RP1: variants seen among roughly 807,000 people sequenced by gnomAD.
RP1 encodes RP1 axonemal microtubule associated.
In RP1, 16 loss-of-function variants were observed where a neutral mutation model predicts 14.8. The ratio of observed to expected loss-of-function variants is 1.08; its 90% confidence interval spans 0.73 to 1.65. The LOEUF (loss-of-function observed/expected upper bound fraction) is 1.65, where lower values mean the gene tolerates loss of function less well. Ranked by LOEUF, RP1 falls within the 40% of genes most tolerant of loss-of-function variation. The pLI is 0.00. For synonymous variants in RP1, 876 were observed against 883.6 expected (o/e 0.99, Z 0.15); for missense variants, 2,631 against 2,535.0 (o/e 1.04, Z -0.81).
At chr8:54,796,183 T>C (rs1810572627) in intron 24 of RP1, among the ~76,000 whole-genome samples, 1 of 152,186 alleles carries the variant, frequency 6.6e-6, no homozygotes, top group East Asian at 1.9e-4. Context: ...TTGTGGGCAG[T>C]TATTTACCAT....
chr8:54,791,707 T>G (rs1810469754), intron 24 of RP1, among the ~76,000 whole-genome samples: 1 of 151,918 alleles, frequency 6.6e-6, no homozygotes. Context: ...AGAATAAACC[T>G]GCAGTAGATA....
At chr8:54,612,285 G>A (rs957726569), upstream of RP1, among the ~76,000 whole-genome samples, 1 of 152,162 alleles carries the variant, frequency 6.6e-6, no homozygotes, top group African/African-American at 2.4e-5. Context: ...TTTGGAGGAG[G>A]GAGTTCTTAT....
At chr8:54,701,865 G>A (rs1479842157) in intron 14 of RP1, among the ~76,000 whole-genome samples, 1 of 152,096 alleles carries the variant, frequency 6.6e-6, no homozygotes, top group Admixed American at 6.6e-5. Flanking sequence ...ACTCTGAGGG[G>A]ATTAATATCC....
At chr8:54,690,568 T>C (rs1195286934) in intron 12 of RP1, among the ~76,000 whole-genome samples, 1 of 151,860 alleles carries the variant, frequency 6.6e-6, no homozygotes, top group East Asian at 1.9e-4. Flanking sequence ...AAAGAAACCT[T>C]GGGGAGAGGA....
At chr8:54,842,489 A>G (rs1337102780) in intron 25 of RP1, among the ~76,000 whole-genome samples, 1 of 152,190 alleles carries the variant, frequency 6.6e-6, no homozygotes, top group African/African-American at 2.4e-5. Context: ...TTCCACCAGG[A>G]GCACGGCAGA....
At chr8:54,798,554 G>C (rs1473978780) in intron 24 of RP1, among the ~76,000 whole-genome samples, 1 of 152,086 alleles carries the variant, frequency 6.6e-6, no homozygotes, top group East Asian at 1.9e-4. Context: ...TGTTGGTTAG[G>C]TTAATTAATA....
chr8:54,596,220 C>G (rs550135376), intron 1 of RP1, among the ~76,000 whole-genome samples: 2 of 152,198 alleles, frequency 1.3e-5, no homozygotes, highest in Non-Finnish European at 2.9e-5. Context: ...TCGGTTTCAT[C>G]TGTTCAACAA....
Position 54,797,116 on chromosome 8 carries a change from A to T in RP1, c.3615+13406A>T, listed in dbSNP as rs185762645. 6.6e-5 allele frequency among the ~76,000 whole-genome samples: 10 copies of T among 152,280 alleles called. No individual in the cohort carries two copies. The East Asian group carries it at 1.9e-3, about 29-fold the overall frequency. On this transcript the variant is annotated intron_variant, in intron 24 of 28. Coordinates refer to the RP1 transcript ENST00000637698. ...GAATAGAAAAATTATCCATTTTTGC[A>T]TGAGAAGAAGGTGGCACTGGAGAGA... is the stretch of plus-strand genomic sequence containing the variant.
intron 24 of RP1, among the ~76,000 whole-genome samples, chr8:54,820,298 A>T (rs1462739542): frequency 6.6e-6 from 1 of 152,008 alleles, no homozygotes; most frequent in African/African-American, 2.4e-5. Context: ...CTTGTGTTGC[A>T]CTGGGTTGTA....
intron 16 of RP1, among the ~76,000 whole-genome samples, chr8:54,722,165 G>C (rs1287254570): frequency 1.3e-5 from 2 of 151,306 alleles, no homozygotes; most frequent in Admixed American, 6.6e-5. Flanking sequence ...CTGTGAGGCG[G>C]AGGGTGCAGT....
At chr8:54,807,886 T>C (rs1810896866) in intron 24 of RP1, among the ~76,000 whole-genome samples, 1 of 152,098 alleles carries the variant, frequency 6.6e-6, no homozygotes, top group Admixed American at 6.5e-5. Flanking sequence ...GTCTGTTCTA[T>C]TGAGGCCTTT....
At chr8:54,564,666 C>T (rs867127141) in intron 1 of RP1, among the ~76,000 whole-genome samples, 4 of 152,164 alleles carry the variant, frequency 2.6e-5, no homozygotes, top group East Asian at 1.9e-4. Flanking sequence ...GTTTCCACTC[C>T]GAACCTTAGA....
At chr8:54,789,941 G>T (rs1007071866) in intron 24 of RP1, among the ~76,000 whole-genome samples, 3 of 152,194 alleles carry the variant, frequency 2.0e-5, no homozygotes, top group African/African-American at 7.2e-5. Flanking sequence ...CAGCCTGCAT[G>T]AATGTGGAGA....
intron 7 of RP1, among the ~76,000 whole-genome samples, chr8:54,672,280 A>T (rs1312048995): frequency 1.3e-5 from 2 of 152,132 alleles, no homozygotes; most frequent in Non-Finnish European, 2.9e-5. Flanking sequence ...TAGCCTTCAG[A>T]CAAGACAGAA....
chr8:54,794,570 T>C (rs1304441208), intron 24 of RP1, among the ~76,000 whole-genome samples: 3 of 151,874 alleles, frequency 2.0e-5, no homozygotes, highest in Admixed American at 1.3e-4. Flanking sequence ...CCATGTCTTA[T>C]ACCTTTCACA....
At chr8:54,772,564 G>A (rs923972931), downstream of RP1, among the ~76,000 whole-genome samples, 3 of 152,154 alleles carry the variant, frequency 2.0e-5, no homozygotes, top group African/African-American at 7.2e-5. Context: ...TAGTCTAAGT[G>A]TTCCAGAAAA....
intron 1 of RP1, among the ~76,000 whole-genome samples, chr8:54,565,732 ACTGGC>A (rs1804390695): frequency 6.6e-6 from 1 of 152,078 alleles, no homozygotes; most frequent in Admixed American, 6.5e-5. Flanking sequence ...CTGGGTTCTG[ACTGGC>A]CTGGTCTCTC....
chr8:54,801,823 C>T (rs560679362), intron 24 of RP1, among the ~76,000 whole-genome samples: 1 of 152,292 alleles, frequency 6.6e-6, no homozygotes, highest in South Asian at 2.1e-4. Flanking sequence ...CTGTTTCTCT[C>T]TGAAGAAACC....
intron 1 of RP1, among the ~76,000 whole-genome samples, chr8:54,561,320 G>A (rs1345695213): frequency 2.0e-5 from 3 of 152,158 alleles, no homozygotes; most frequent in Non-Finnish European, 4.4e-5. Context: ...GAGTTTACAC[G>A]TTTTAAATTT....
Sources: gnomAD v4.1 joint callset for allele counts (sites outside exome capture counted in the v4.1 genomes callset) on GRCh38, gnomAD v4.1.1 for gene constraint, MANE v1.5 for transcripts, NCBI Gene and HGNC (gene_info 2026-07-23, HGNC 2026-07-21) for gene names.